The following SGMS2 variants were observed in gnomAD, a reference collection of about 807,000 sequenced individuals.
SGMS2 encodes sphingomyelin synthase 2, also known as phosphatidylcholine:ceramide cholinephosphotransferase 2.
Under a neutral mutation model 43.8 loss-of-function variants are expected in SGMS2, and 21 were observed. The ratio of observed to expected loss-of-function variants is 0.48; its 90% CI spans 0.34 to 0.69. The LOEUF (loss-of-function observed/expected upper bound fraction) is 0.69, where lower values mean the gene tolerates loss of function less well. Ranked by LOEUF, SGMS2 falls within the 30% of genes least tolerant of loss-of-function variation. The pLI is 0.01. For synonymous variants in SGMS2, 167 were observed against 160.6 expected, an observed-to-expected ratio of 1.04 and a Z score of -0.30; for missense variants, 384 against 443.2, an observed-to-expected ratio of 0.87 and a Z score of 1.20.
chr4:107,883,677 A>C (rs1449261481), intron 2 of SGMS2, among the ~76,000 whole-genome samples: 1 of 152,240 alleles, frequency 6.6e-6, no homozygotes, highest in Admixed American at 6.5e-5. Context: ...TCATTTAGCT[A>C]ACCCCATGTT....
intron 2 of SGMS2, among the ~76,000 whole-genome samples, chr4:107,863,236 G>A (rs1456130115): frequency 6.6e-6 from 1 of 152,188 alleles, no homozygotes; most frequent in Non-Finnish European, 1.5e-5. Context: ...GGACTCAGAT[G>A]CGTTCAAATT....
chr4:107,861,611 A>G (rs1157934300), intron 2 of SGMS2, among the ~76,000 whole-genome samples: 4 of 152,188 alleles, frequency 2.6e-5, no homozygotes, highest in African/African-American at 7.2e-5. Context: ...TAAATCTGTT[A>G]TGGACTTTGG....
At chr4:107,855,607 T>C (rs1727377864) in intron 1 of SGMS2, among the ~76,000 whole-genome samples, 1 of 152,206 alleles carries the variant, frequency 6.6e-6, no homozygotes, top group Non-Finnish European at 1.5e-5. Flanking sequence ...GTCTAAGATA[T>C]GATCTATTCT....
chr4:107,909,920 T>C (rs566214838), intron 6 of SGMS2, among the ~76,000 whole-genome samples: 2 of 152,332 alleles, frequency 1.3e-5, no homozygotes, highest in Admixed American at 1.3e-4. Flanking sequence ...CATTTCCATC[T>C]TCCTTCTTAC....
At chr4:107,873,565 A>G (rs1728698189) in intron 2 of SGMS2, 1 of 151,596 alleles carries the variant, frequency 6.6e-6, no homozygotes. Flanking sequence ...AATCAAAATT[A>G]TATTTTATAT....
At chr4:107,906,025 C>T (rs1386589330) in intron 5 of SGMS2, among the ~76,000 whole-genome samples, 1 of 152,152 alleles carries the variant, frequency 6.6e-6, no homozygotes, top group Admixed American at 6.5e-5. Flanking sequence ...AGTTTATAGT[C>T]AGTTCTGTAT....
At chr4:107,852,143 G>T (rs1299759131) in intron 1 of SGMS2, among the ~76,000 whole-genome samples, 1 of 150,646 alleles carries the variant, frequency 6.6e-6, no homozygotes, top group African/African-American at 2.4e-5. Flanking sequence ...ATCTCGGCTC[G>T]CTGCAAGGTC....
At chr4:107,827,483 C>T (rs779278230) in intron 1 of SGMS2, among the ~76,000 whole-genome samples, 17 of 152,144 alleles carry the variant, frequency 1.1e-4, no homozygotes, top group Non-Finnish European at 1.9e-4. Context: ...GGCTGCCTCC[C>T]ACTGATAATA....
intron 1 of SGMS2, among the ~76,000 whole-genome samples, chr4:107,840,183 C>T (rs1434952064): frequency 6.6e-6 from 1 of 152,138 alleles, no homozygotes; most frequent in Non-Finnish European, 1.5e-5. Flanking sequence ...AATCTTGCCC[C>T]AATGTCTTGA....
intron 2 of SGMS2, among the ~76,000 whole-genome samples, chr4:107,889,668 T>A (rs1162931279): frequency 6.6e-6 from 1 of 152,158 alleles, no homozygotes; most frequent in Non-Finnish European, 1.5e-5. Flanking sequence ...AACGTTTTTT[T>A]CCTATCCTAG....
intron 1 of SGMS2, among the ~76,000 whole-genome samples, chr4:107,843,207 A>G (rs1345114963): frequency 2.0e-5 from 3 of 151,450 alleles, no homozygotes; most frequent in Non-Finnish European, 4.4e-5. Flanking sequence ...TCACTTTTTT[A>G]TACAAGTAAT....
At chr4:107,862,776 T>A (rs1384397417) in intron 2 of SGMS2, among the ~76,000 whole-genome samples, 1 of 152,230 alleles carries the variant, frequency 6.6e-6, no homozygotes, top group African/African-American at 2.4e-5. Context: ...TATATCCGAC[T>A]GTACCTGTGC....
chr4:107,903,498 C>T (rs949208622), intron 5 of SGMS2, 112 bp downstream of exon 5: 13 of 934,966 alleles, frequency 1.4e-5, no homozygotes, highest in African/African-American at 6.6e-5. Flanking sequence ...GTGAAAGAGA[C>T]GGATGTGTGT....
chr4:107,849,546 A>G (rs755310053), intron 1 of SGMS2, among the ~76,000 whole-genome samples: 2 of 152,208 alleles, frequency 1.3e-5, no homozygotes, highest in Admixed American at 1.3e-4. Flanking sequence ...ACTTGATAAT[A>G]CTTACTATGT....
At chr4:107,828,754 C>T (rs1444266371) in intron 1 of SGMS2, among the ~76,000 whole-genome samples, 2 of 152,170 alleles carry the variant, frequency 1.3e-5, no homozygotes, top group African/African-American at 2.4e-5. Flanking sequence ...GAACTTTTCC[C>T]TGTCTCTTTA....
chr4:107,913,435 A>T lies in SGMS2; in HGVS notation c.*2882A>T, dbSNP rs1331202365. The T allele has an allele frequency of 6.6e-6, 1 of 151,972 alleles. No individual in the cohort carries two copies. Among genetic ancestry groups the T allele is most frequent in the Non-Finnish European group, 1.5e-5 (1 of 68,004 alleles). The allele number at this position is 151,972 out of a possible 1,614,324, so 9.4% of individuals were successfully genotyped here. ...TGTTTTGAGAGTGAGCGTTGAGTCT[A>T]CTCTGGTTTGTGGATGACATTGCAT... On this transcript the variant is annotated 3_prime_UTR_variant, in exon 7 of 7. Transcript: ENST00000690982.
chr4:107,836,219 T>C (rs967659189), intron 1 of SGMS2, among the ~76,000 whole-genome samples: 1 of 152,206 alleles, frequency 6.6e-6, no homozygotes, highest in East Asian at 1.9e-4. Context: ...TGGCACCTCC[T>C]GTACTGGGCA....
chr4:107,893,877 A>T (rs1730446026), intron 2 of SGMS2, among the ~76,000 whole-genome samples: 1 of 152,128 alleles, frequency 6.6e-6, no homozygotes, highest in Admixed American at 6.5e-5. Flanking sequence ...ACAATATGCC[A>T]TTCAGTCTTC....
At chr4:107,899,136 AG>A (rs1427345312) in intron 3 of SGMS2, among the ~76,000 whole-genome samples, 1 of 152,162 alleles carries the variant, frequency 6.6e-6, no homozygotes, top group Non-Finnish European at 1.5e-5. Context: ...TTGGCTCATT[AG>A]TTAATTCCTC....
Sources: gnomAD v4.1 joint callset for allele counts (sites outside exome capture counted in the v4.1 genomes callset) on GRCh38, gnomAD v4.1.1 for gene constraint, MANE v1.5 for transcripts, NCBI Gene and HGNC (gene_info 2026-07-23, HGNC 2026-07-21) for gene names.